DPYD: variants seen among roughly 807,000 people sequenced by gnomAD.
The protein encoded by DPYD is dihydropyrimidine dehydrogenase.
Under a neutral mutation model 116.2 loss-of-function variants are expected in DPYD, and 109 were observed. That is an observed-to-expected ratio of 0.94 (90% CI 0.80 to 1.10). The LOEUF is 1.10. DPYD is among the 50% of genes least tolerant of loss of function. The probability of loss-of-function intolerance (pLI) is 0.00; values close to 1 mark genes in which losing one functional copy is unlikely to be tolerated. For missense variants in DPYD, 1,302 were observed against 1,254.5 expected (o/e 1.04, Z -0.57); for synonymous variants, 440 against 432.0 (o/e 1.02, Z -0.23).
intron 19 of DPYD, among the ~76,000 whole-genome samples, chr1:97,198,992 C>T (rs902903620): frequency 2.6e-5 from 4 of 152,136 alleles, no homozygotes; most frequent in Admixed American, 6.6e-5. Flanking sequence ...TGAATTTTTA[C>T]TTTAGGTGCA....
At chr1:97,613,039 T>TA (rs986512582) in intron 8 of DPYD, among the ~76,000 whole-genome samples, 17 of 152,182 alleles carry the variant, frequency 1.1e-4, no homozygotes, top group African/African-American at 3.9e-4. Flanking sequence ...AATAGTAGCA[T>TA]AAAAATATTG....
chr1:97,142,189 T>C (rs773140088), intron 20 of DPYD, among the ~76,000 whole-genome samples: 3 of 152,182 alleles, frequency 2.0e-5, no homozygotes, highest in Non-Finnish European at 2.9e-5. Context: ...GTTCTTCAAG[T>C]CAACTTGCAC....
intron 16 of DPYD, among the ~76,000 whole-genome samples, chr1:97,352,657 T>C (rs1670211087): frequency 6.6e-6 from 1 of 152,156 alleles, no homozygotes; most frequent in East Asian, 1.9e-4. Context: ...ACTCTGGTTG[T>C]TTGATTTTTT....
chr1:97,420,615 T>A (rs4949952), intron 14 of DPYD, among the ~76,000 whole-genome samples: 1 of 151,666 alleles, frequency 6.6e-6, no homozygotes, highest in Non-Finnish European at 1.5e-5. Context: ...ATAAACGGCC[T>A]TTCGTAACTG....
chr1:97,168,704 T>C (rs1214903294), intron 20 of DPYD, among the ~76,000 whole-genome samples: 2 of 152,178 alleles, frequency 1.3e-5, no homozygotes, highest in African/African-American at 4.8e-5. Flanking sequence ...AGATATATTC[T>C]AGATGACCAA....
chr1:97,183,862 AG>A (rs1461774281), intron 20 of DPYD, among the ~76,000 whole-genome samples: 4 of 152,076 alleles, frequency 2.6e-5, no homozygotes, highest in African/African-American at 7.2e-5. Context: ...TTTGTCACTC[AG>A]GTATTAAGCA....
At chr1:97,473,515 C>A (rs185563901) in intron 13 of DPYD, among the ~76,000 whole-genome samples, 1 of 151,910 alleles carries the variant, frequency 6.6e-6, no homozygotes, top group Non-Finnish European at 1.5e-5. Flanking sequence ...TCACAAAGAG[C>A]CAAAAAGTAT....
In DPYD at chr1:97,279,712, G is replaced by A. The variant is rs377171088; in HGVS notation, c.2299+25547C>T. On this transcript the variant is annotated intron_variant, in intron 18 of 22. Coordinates refer to ENST00000370192, the MANE Select transcript of DPYD (RefSeq NM_000110.4). ...TTTAGTAGAGATGGGGTTTCACCAT[G>A]TTGGCCAAGCTGGTCTCAAACTCCT... 3.2e-4 allele frequency among the ~76,000 whole-genome samples: 49 copies of A among 152,268 alleles called. 1 individual carries two copies. In the South Asian group the frequency reaches 7.9e-3, roughly 24 times the overall value.
At chr1:97,388,614 G>C (rs75649203) in intron 14 of DPYD, among the ~76,000 whole-genome samples, 3 of 152,066 alleles carry the variant, frequency 2.0e-5, no homozygotes, top group Non-Finnish European at 2.9e-5. Context: ...AAAACCATTC[G>C]TAACCTTTAA....
chr1:97,259,557 A>G (rs532680753), intron 18 of DPYD, among the ~76,000 whole-genome samples: 5 of 152,114 alleles, frequency 3.3e-5, no homozygotes, highest in African/African-American at 1.2e-4. Context: ...AAAGTATTCA[A>G]TCAAGGTTGG....
intron 3 of DPYD, among the ~76,000 whole-genome samples, chr1:97,747,691 T>C (rs2101088320): frequency 6.6e-6 from 1 of 152,320 alleles, no homozygotes; most frequent in African/African-American, 2.4e-5. Flanking sequence ...GACTTTCGTG[T>C]ATACTAATAT....
intron 20 of DPYD, among the ~76,000 whole-genome samples, chr1:97,173,361 T>TATATGTAC: frequency 6.7e-6 from 1 of 149,032 alleles, no homozygotes; most frequent in African/African-American, 2.5e-5. Flanking sequence ...TATATGTACA[T>TATATGTAC]ATATACATAT....
At chr1:97,383,732 C>T (rs1672129269) in intron 14 of DPYD, among the ~76,000 whole-genome samples, 1 of 152,066 alleles carries the variant, frequency 6.6e-6, no homozygotes, top group South Asian at 2.1e-4. Context: ...AGAGTCTGTG[C>T]TTTTAACGAC....
At chr1:97,600,853 T>G (rs1404063793) in intron 8 of DPYD, among the ~76,000 whole-genome samples, 3 of 152,192 alleles carry the variant, frequency 2.0e-5, no homozygotes, top group Admixed American at 2.0e-4. Context: ...GTGGTCAGTA[T>G]TGGATAGGTA....
At chr1:97,719,660 A>G (rs1662813175) in intron 5 of DPYD, 1 of 969,048 alleles carries the variant, frequency 1.0e-6, no homozygotes, top group East Asian at 1.1e-4. Flanking sequence ...ACAGTTGGGT[A>G]AATTTAAGTA....
chr1:97,215,727 A>G (rs900490118), intron 19 of DPYD, among the ~76,000 whole-genome samples: 9 of 152,174 alleles, frequency 5.9e-5, no homozygotes, highest in African/African-American at 2.2e-4. Context: ...TCCTGCGCAC[A>G]AACAGGCACG....
At chr1:97,438,209 C>T (rs1159195415) in intron 14 of DPYD, among the ~76,000 whole-genome samples, 1 of 151,956 alleles carries the variant, frequency 6.6e-6, no homozygotes, top group Non-Finnish European at 1.5e-5. Flanking sequence ...AAGTCCTTTG[C>T]ACTTCCATAT....
intron 20 of DPYD, among the ~76,000 whole-genome samples, chr1:97,154,024 G>A (rs1462799150): frequency 1.3e-5 from 2 of 150,540 alleles, no homozygotes; most frequent in Non-Finnish European, 1.5e-5. Flanking sequence ...TGATGAAAAG[G>A]GAACACTTTT....
At chr1:97,737,346 T>C (rs901636201) in intron 4 of DPYD, among the ~76,000 whole-genome samples, 1 of 152,162 alleles carries the variant, frequency 6.6e-6, no homozygotes, top group Non-Finnish European at 1.5e-5. Flanking sequence ...CTACTTTTTG[T>C]TGCATATATC....
Sources: gnomAD v4.1 joint callset for allele counts (sites outside exome capture counted in the v4.1 genomes callset) on GRCh38, gnomAD v4.1.1 for gene constraint, MANE v1.5 for transcripts, NCBI Gene and HGNC (gene_info 2026-07-23, HGNC 2026-07-21) for gene names.